Variants in TMEM100 observed in about 807,000 individuals in gnomAD.
TMEM100 encodes transmembrane protein 100.
For missense variants in TMEM100, 137 were observed against 168.2 expected (o/e 0.81, Z 1.02); for synonymous variants, 61 against 67.1 (o/e 0.91, Z 0.44).
At chr17:55,724,795 A>C (rs767763708), upstream of TMEM100, among the ~76,000 whole-genome samples, 5 of 152,202 alleles carry the variant, frequency 3.3e-5, no homozygotes, top group Non-Finnish European at 5.9e-5. Context: ...AGCTTTTTTC[A>C]TAGTAAGCCC....
upstream of TMEM100, among the ~76,000 whole-genome samples, chr17:55,723,346 G>A (rs1285308991): frequency 6.6e-6 from 1 of 152,150 alleles, no homozygotes; most frequent in Non-Finnish European, 1.5e-5. Flanking sequence ...GTCATCTGAA[G>A]CTTAAAACCC....
chr17:55,727,210 A>G (rs532251206), upstream of TMEM100, among the ~76,000 whole-genome samples: 1 of 152,310 alleles, frequency 6.6e-6, no homozygotes, highest in Non-Finnish European at 1.5e-5. Flanking sequence ...ATCAGAATAT[A>G]CACCGAAACT....
chr17:55,731,664 C>T (rs1395603334), intron 1 of TMEM100: 2 of 152,180 alleles, frequency 1.3e-5, no homozygotes, highest in African/African-American at 4.8e-5. Context: ...TCAGCAAAGC[C>T]ACTGACCTTT....
At position 55,720,657 on chromosome 17, in the gene TMEM100, T is replaced by C. The variant is rs768982336; in HGVS notation, c.*9A>G. Reference sequence around the variant, plus strand: ...CCAGGCCCAATGGCCCATTTGGTCGTATTCAGTCTCAAGCAAACAAGCTTC... The same window carrying C: ...CCAGGCCCAATGGCCCATTTGGTCGCATTCAGTCTCAAGCAAACAAGCTTC... On this transcript the variant is annotated 3_prime_UTR_variant, in exon 2 of 2. Coordinates refer to ENST00000424486, the MANE Select transcript of TMEM100 (RefSeq NM_018286.3). 8 of 1,589,802 alleles carry C rather than the reference T, an allele frequency of 5.0e-6. No homozygotes were observed. The East Asian group carries it at 1.8e-4, about 36-fold the overall frequency.
upstream of TMEM100, among the ~76,000 whole-genome samples, chr17:55,723,822 A>G (rs1219940844): frequency 3.9e-5 from 6 of 152,238 alleles, no homozygotes; most frequent in East Asian, 9.6e-4. Flanking sequence ...ACATTCAAAC[A>G]TATACAACTT....
At chr17:55,729,575 T>C (rs1009493240) in intron 1 of TMEM100, among the ~76,000 whole-genome samples, 1 of 152,180 alleles carries the variant, frequency 6.6e-6, no homozygotes, top group Non-Finnish European at 1.5e-5. Flanking sequence ...TGTCATAGGC[T>C]CACAAATAAA....
chr17:55,731,706 G>A (rs1303318954), exon 1 of TMEM100: 1 of 152,212 alleles, frequency 6.6e-6, no homozygotes, highest in African/African-American at 2.4e-5. Flanking sequence ...TCCATGTGAA[G>A]AGAGTCACAG....
At chr17:55,729,925 A>G (rs148199787) in intron 1 of TMEM100, among the ~76,000 whole-genome samples, 154 of 152,300 alleles carry the variant, frequency 1.0e-3, no homozygotes, top group African/African-American at 3.4e-3. Flanking sequence ...TTACTACTCT[A>G]AGGTACTACT....
chr17:55,720,852 C>T lies in TMEM100; in HGVS notation c.219G>A (p.Ala73=), dbSNP rs570453335. ...CATGGGAATTGAAGCTGTAAGCCACCGCGGTGACCACGATGCCGGCGATGA... is the reference window on the plus strand; with the variant it reads ...CATGGGAATTGAAGCTGTAAGCCACTGCGGTGACCACGATGCCGGCGATGA... ...VVFIAGIVVT[A]VAYSFNSHGS... is the part of the protein sequence containing the mutation. Residue 73 remains alanine (A), a synonymous_variant, in exon 2 of 2, where the codon GCG becomes GCA. Transcript: ENST00000424486. 5.0e-6 allele frequency: 8 copies of T among 1,614,168 alleles called. No individual in the cohort carries two copies. The highest frequency in any genetic ancestry group is 1.6e-4 in the Middle Eastern group (1 of 6,062).
rs570024449 is a variant in TMEM100 at position 55,729,840 on chromosome 17, T to C, written c.-359+1831A>G. On this transcript the variant is annotated intron_variant, in intron 1 of 3. Coordinates refer to the TMEM100 transcript ENST00000575734. The stretch of plus-strand genomic sequence containing the variant: ...AAGAACATAACTATGCAATTCTTTT[T>C]TACAGTGTTAGACATTATTTTAAAA... 3.3e-5 allele frequency among the ~76,000 whole-genome samples: 5 copies of C among 152,338 alleles called. No individual in the cohort carries two copies. In the East Asian group the frequency reaches 9.6e-4, roughly 29 times the overall value.
chr17:55,720,583 T>G lies in TMEM100; in HGVS notation c.*83A>C. 1 of 1,314,356 alleles carries G rather than the reference T, an allele frequency of 7.6e-7. No homozygotes were observed. The highest frequency in any genetic ancestry group is 1.0e-6 in the Non-Finnish European group (1 of 990,852). 81.4% of individuals were successfully genotyped at this position (1,314,356 alleles called of 1,614,324 possible). On this transcript the variant is annotated 3_prime_UTR_variant, in exon 2 of 2. Transcript: ENST00000424486. The stretch of plus-strand genomic sequence containing the variant: ...CTGCTCCAACGCCAAGTCTGTTCTC[T>G]CCCACCATGGTTCTGGGTGAATTGG...
At chr17:55,724,287 G>A (rs773149500), upstream of TMEM100, among the ~76,000 whole-genome samples, 3 of 152,160 alleles carry the variant, frequency 2.0e-5, no homozygotes, top group Non-Finnish European at 4.4e-5. Flanking sequence ...ACCAGAAGTT[G>A]TTTATTCTGG....
At chr17:55,728,645 A>G (rs1909129324) in intron 1 of TMEM100, among the ~76,000 whole-genome samples, 1 of 152,134 alleles carries the variant, frequency 6.6e-6, no homozygotes. Context: ...GATGCAAAAC[A>G]GTGGGCAAAG....
chr17:55,725,144 A>G (rs1909028657), upstream of TMEM100, among the ~76,000 whole-genome samples: 1 of 152,196 alleles, frequency 6.6e-6, no homozygotes, highest in Non-Finnish European at 1.5e-5. Context: ...TTCAAAGAGA[A>G]TTCCTAGTGA....
upstream of TMEM100, among the ~76,000 whole-genome samples, chr17:55,726,192 C>T (rs563111085): frequency 2.9e-4 from 44 of 152,264 alleles, no homozygotes; most frequent in African/African-American, 7.7e-4. Flanking sequence ...GGTGACCTTC[C>T]ACCAAAGGCA....
At chr17:55,729,009 C>G (rs1440862123) in intron 1 of TMEM100, among the ~76,000 whole-genome samples, 1 of 152,184 alleles carries the variant, frequency 6.6e-6, no homozygotes, top group Non-Finnish European at 1.5e-5. Flanking sequence ...AGAGAGCAGT[C>G]AAAATAAGAC....
In TMEM100 at chr17:55,720,033, ATTAGCTATAAC is replaced by A. The variant is rs1248193998; in HGVS notation, c.*622_*632del. On this transcript the variant is annotated 3_prime_UTR_variant, in exon 2 of 2. Transcript: ENST00000424486. ...ATTAATTTAACCCCCAACAGCATCT[ATTAGCTATAAC>A]TTTAATGGGTTTTTCTTTACTTCTG... 6.6e-6 allele frequency: 1 copy of A among 152,648 alleles called. No individual in the cohort carries two copies. The highest frequency in any genetic ancestry group is 2.4e-5 in the African/African-American group (1 of 41,460). 9.5% of individuals were successfully genotyped at this position (152,648 alleles called of 1,614,324 possible).
chr17:55,730,261 T>C (rs1382034376), intron 1 of TMEM100, among the ~76,000 whole-genome samples: 2 of 152,192 alleles, frequency 1.3e-5, no homozygotes, highest in African/African-American at 2.4e-5. Flanking sequence ...TGACTCTACA[T>C]TGAAATCGGA....
chr17:55,725,025 A>G (rs759773458), upstream of TMEM100, among the ~76,000 whole-genome samples: 1 of 152,260 alleles, frequency 6.6e-6, no homozygotes. Flanking sequence ...AAATTCAAAG[A>G]GGTAGAAAGT....
Sources: gnomAD v4.1 joint callset for allele counts (sites outside exome capture counted in the v4.1 genomes callset) on GRCh38, gnomAD v4.1.1 for gene constraint, MANE v1.5 for transcripts, NCBI Gene and HGNC (gene_info 2026-07-23, HGNC 2026-07-21) for gene names.